LIPC: variants seen among roughly 807,000 people sequenced by gnomAD.
LIPC encodes the protein hepatic triacylglycerol lipase.
A neutral mutation model predicts 50.7 loss-of-function variants in LIPC; 44 were observed. The observed-to-expected ratio is 0.87, with a 90% CI of 0.68 to 1.11. LIPC has a LOEUF of 1.11. Among genes scored for constraint, LIPC ranks in the 50% most tolerant of loss-of-function variants. The pLI is 0.00. For missense variants in LIPC, 697 were observed against 648.2 expected (o/e 1.08, Z -0.82); for synonymous variants, 271 against 256.4 (o/e 1.06, Z -0.54).
At chr15:58,567,233 A>G (rs142177961) in intron 8 of LIPC, among the ~76,000 whole-genome samples, 4,752 of 140,364 alleles carry the variant, frequency 0.034, 161 homozygotes, top group African/African-American at 0.058. Context: ...ATATATATGT[A>G]TATATGTGTG....
At chr15:58,510,970 C>T (rs1325797397) in intron 1 of LIPC, among the ~76,000 whole-genome samples, 6 of 152,204 alleles carry the variant, frequency 3.9e-5, no homozygotes, top group African/African-American at 1.4e-4. Flanking sequence ...GTGATGACGT[C>T]TCATTTCAGC....
At chr15:58,543,786 A>G (rs748978547) in intron 4 of LIPC, among the ~76,000 whole-genome samples, 20 of 151,558 alleles carry the variant, frequency 1.3e-4, no homozygotes, top group Non-Finnish European at 2.5e-4. Context: ...CACCCAGCTA[A>G]TTTTTTTGTA....
chr15:58,471,329 G>GAGGT (rs35029529), intron 1 of LIPC, among the ~76,000 whole-genome samples: 4 of 7,368 alleles, frequency 5.4e-4, no homozygotes, highest in African/African-American at 1.0e-3. Flanking sequence ...TAGTAGAGAT[G>GAGGT]GGGGGGGGTG....
rs1893140808 is a variant in LIPC at position 58,432,044 on chromosome 15, T to G, written c.12T>G (p.Ser4Arg). 6.2e-7 allele frequency: 1 copy of G among 1,612,932 alleles called. No homozygotes were observed. Residue 4 changes from serine (S) to arginine (R), a missense_variant, in exon 1 of 9, where the codon AGT becomes AGG. Coordinates refer to ENST00000299022, the MANE Select transcript of LIPC (RefSeq NM_000236.3). ...GGTGAAACGGAGAAATGGACACAAG[T>G]CCCCTGTGTTTCTCCATTCTGTTGG... MDT[S>R]PLCFSILLVL...
At chr15:58,470,772 A>G (rs1224178313) in intron 1 of LIPC, among the ~76,000 whole-genome samples, 2 of 151,958 alleles carry the variant, frequency 1.3e-5, no homozygotes, top group East Asian at 1.9e-4. Flanking sequence ...GCTAATTTTT[A>G]TATTTTTAGT....
At chr15:58,532,979 A>G (rs1387305404) in intron 1 of LIPC, among the ~76,000 whole-genome samples, 1 of 152,226 alleles carries the variant, frequency 6.6e-6, no homozygotes, top group Non-Finnish European at 1.5e-5. Flanking sequence ...TTGCTGCTCT[A>G]GGAACTTACT....
intron 1 of LIPC, among the ~76,000 whole-genome samples, chr15:58,509,825 A>T (rs1196936427): frequency 7.2e-5 from 11 of 152,168 alleles, no homozygotes; most frequent in African/African-American, 2.7e-4. Flanking sequence ...AAATTACATA[A>T]TATGATAGGA....
At chr15:58,481,531 A>G (rs771460853) in intron 1 of LIPC, among the ~76,000 whole-genome samples, 25 of 152,252 alleles carry the variant, frequency 1.6e-4, no homozygotes, top group Non-Finnish European at 3.2e-4. Context: ...TTGGCCAGGC[A>G]CGACAGCTCA....
chr15:58,542,474 C>T lies in LIPC; in HGVS notation c.457-60C>T, dbSNP rs193130912. ...GGGTGGGCGCCACAACACACTGGAC[C>T]GCAAAAGGCTTTCATCCAGGCAGCT... is the stretch of plus-strand genomic sequence containing the variant. On this transcript the variant is annotated intron_variant, in intron 3 of 8. Coordinates refer to ENST00000299022, the MANE Select transcript of LIPC (RefSeq NM_000236.3). 6.0e-4 allele frequency: 679 copies of T among 1,129,346 alleles called. 7 individuals are homozygous for T. The Admixed American group carries it at 0.01, about 17-fold the overall frequency. The allele number at this position is 1,129,346 out of a possible 1,614,324, so 70.0% of individuals were successfully genotyped here. A position where few individuals can be genotyped will look rare whatever the true frequency, so the allele number is the denominator to read the frequency against.
intron 1 of LIPC, chr15:58,523,297 C>A (rs1892708249): frequency 6.6e-6 from 1 of 152,370 alleles, no homozygotes; most frequent in South Asian, 2.1e-4. Context: ...CTGTGGGGGC[C>A]ACCTTTCCTC....
At chr15:58,460,497 T>C (rs1207651313) in intron 1 of LIPC, among the ~76,000 whole-genome samples, 4 of 152,220 alleles carry the variant, frequency 2.6e-5, no homozygotes, top group Non-Finnish European at 4.4e-5. Flanking sequence ...CCAGACACTC[T>C]ACCAAGCCCT....
chr15:58,436,766 T>G (rs536712204), intron 1 of LIPC: 2 of 456,258 alleles, frequency 4.4e-6, no homozygotes, highest in Non-Finnish European at 8.8e-6. Flanking sequence ...GGAAGAAGGC[T>G]TCTTGGAGGA....
intron 1 of LIPC, among the ~76,000 whole-genome samples, chr15:58,461,417 G>A (rs1894344358): frequency 6.6e-6 from 1 of 152,030 alleles, no homozygotes; most frequent in Non-Finnish European, 1.5e-5. Flanking sequence ...TGGTTTCTTT[G>A]TTTTTGAGAC....
chr15:58,481,608 G>C (rs183145463), intron 1 of LIPC, among the ~76,000 whole-genome samples: 35 of 152,282 alleles, frequency 2.3e-4, no homozygotes, highest in South Asian at 1.7e-3. Flanking sequence ...TTCAAGACCA[G>C]CTTGGCCAAC....
intron 6 of LIPC, among the ~76,000 whole-genome samples, chr15:58,557,992 A>ACAGGCTAAGTCCC (rs1894016983): frequency 6.6e-6 from 1 of 152,166 alleles, no homozygotes; most frequent in African/African-American, 2.4e-5. Flanking sequence ...TTCTGGGATG[A>ACAGGCTAAGTCCC]CAGGCTAAGT....
chr15:58,567,101 C>T (rs1382524755), intron 8 of LIPC, among the ~76,000 whole-genome samples: 1 of 150,716 alleles, frequency 6.6e-6, no homozygotes, highest in Non-Finnish European at 1.5e-5. Flanking sequence ...ACTCGGGAGG[C>T]TGAGGCAAAG....
intron 1 of LIPC, among the ~76,000 whole-genome samples, chr15:58,444,153 G>C (rs1893604458): frequency 6.6e-6 from 1 of 152,166 alleles, no homozygotes; most frequent in Non-Finnish European, 1.5e-5. Context: ...CCACAGTTGG[G>C]CACTCTTGGT....
chr15:58,487,841 G>C (rs900606064), intron 1 of LIPC, among the ~76,000 whole-genome samples: 1 of 152,228 alleles, frequency 6.6e-6, no homozygotes, highest in Non-Finnish European at 1.5e-5. Flanking sequence ...GCCCTGGATA[G>C]ATCATGAAAT....
intron 1 of LIPC, among the ~76,000 whole-genome samples, chr15:58,499,743 T>G (rs554495177): frequency 8.5e-5 from 13 of 152,218 alleles, no homozygotes; most frequent in Non-Finnish European, 1.9e-4. Context: ...TAAATCTGTC[T>G]TCTTGCTAAA....
Sources: allele counts gnomAD v4.1 joint callset (sites outside exome capture counted in the v4.1 genomes callset), GRCh38; gene constraint gnomAD v4.1.1; transcripts MANE v1.5; gene names NCBI Gene and HGNC (gene_info 2026-07-23, HGNC 2026-07-21).